The following RGS13 variants were observed in gnomAD, a reference collection of about 807,000 sequenced individuals.
RGS13 encodes regulator of G protein signaling 13.
In RGS13, 14 loss-of-function variants were observed where a neutral mutation model predicts 19.9. The ratio of observed to expected loss-of-function variants is 0.70; its 90% CI spans 0.46 to 1.10. The LOEUF (loss-of-function observed/expected upper bound fraction) is 1.10, where lower values mean the gene tolerates loss of function less well. RGS13 is among the 50% of genes least tolerant of loss of function. The pLI is 0.00. For synonymous variants in RGS13, 60 were observed against 56.8 expected (o/e 1.06, Z -0.25); for missense variants, 205 against 187.1 (o/e 1.10, Z -0.56).
chr1:192,649,318 T>G (rs1240615787), intron 5 of RGS13, among the ~76,000 whole-genome samples: 1 of 152,160 alleles, frequency 6.6e-6, no homozygotes, highest in African/African-American at 2.4e-5. Flanking sequence ...CAGTTAACTA[T>G]ATTGTAAATT....
intron 3 of RGS13, among the ~76,000 whole-genome samples, chr1:192,642,315 A>G (rs986842636): frequency 3.5e-5 from 5 of 143,600 alleles, no homozygotes; most frequent in Non-Finnish European, 6.1e-5. Flanking sequence ...CATGTGGAAC[A>G]TAATTCCTTT....
intron 5 of RGS13, among the ~76,000 whole-genome samples, chr1:192,650,894 G>C (rs1035538167): frequency 6.6e-6 from 1 of 151,810 alleles, no homozygotes; most frequent in Non-Finnish European, 1.5e-5. Flanking sequence ...TAACCAAATA[G>C]AACTAAAGTA....
intron 5 of RGS13, among the ~76,000 whole-genome samples, chr1:192,648,536 G>A (rs528735721): frequency 4.6e-5 from 7 of 152,220 alleles, no homozygotes; most frequent in South Asian, 2.1e-4. Context: ...AAAGGAGGAC[G>A]TGCATTCAAA....
In RGS13 at chr1:192,642,983, C is replaced by T. The variant is rs146071310; in HGVS notation, c.-4-1348C>T. On this transcript the variant is annotated intron_variant, in intron 3 of 6. Transcript: ENST00000391995. Reference sequence around the variant, plus strand: ...CAAGTGATTGTCCCACTACAGCATCCCAAGTAGTTGGGACTACAGGCATGA... The same window carrying T: ...CAAGTGATTGTCCCACTACAGCATCTCAAGTAGTTGGGACTACAGGCATGA... Among the ~76,000 whole-genome samples, 459 of 152,268 alleles carry T rather than the reference C, an allele frequency of 3.0e-3. 3 individuals are homozygous for T. Among genetic ancestry groups the T allele is most frequent in the African/African-American group, 0.011 (440 of 41,552 alleles).
chr1:192,641,155 GGAAA>G (rs755503546), intron 3 of RGS13, among the ~76,000 whole-genome samples: 24 of 129,244 alleles, frequency 1.9e-4, no homozygotes, highest in Non-Finnish European at 3.0e-4. Flanking sequence ...GAAAGAAAGA[GGAAA>G]GAAAGAGAGA....
rs891393029 is a variant in RGS13 at position 192,654,630 on chromosome 1, C to T, written c.128-3571C>T. 2.6e-5 allele frequency among the ~76,000 whole-genome samples: 4 copies of T among 151,978 alleles called. No individual in the cohort carries two copies. In the South Asian group the frequency reaches 6.2e-4, roughly 24 times the overall value. On this transcript the variant is annotated intron_variant, in intron 5 of 6. Coordinates refer to ENST00000391995, the MANE Select transcript of RGS13 (RefSeq NM_002927.5). ...AGAGGCATTTCTAATGGTACTGCAA[C>T]GTAGTGCACCCTTGGGATTTCCTGC... is the stretch of plus-strand genomic sequence containing the variant.
In RGS13 at chr1:192,658,218, G is replaced by A. The variant is rs780805183; in HGVS notation, c.145G>A (p.Ala49Thr). The change falls in exon 6 of 7, where the codon GCA becomes ACA. Residue 49 changes from alanine (A) to threonine (T), a missense_variant. Physicochemically the swap from Ala to Thr is moderately conservative, Grantham distance 58. Transcript: ENST00000391995. ...ACTTTTAGATGGTCCAGTAGTCTATGCAGCATATTTAAAAATGGAGCACAG... is the reference window on the plus strand; with the variant it reads ...ACTTTTAGATGGTCCAGTAGTCTATACAGCATATTTAAAAATGGAGCACAG... ...MATKYGPVVYAAYLKMEHSDE... is the reference protein window; with the variant it reads ...MATKYGPVVYTAYLKMEHSDE... The A allele has an allele frequency of 6.2e-7, 1 of 1,612,894 alleles. No individual in the cohort carries two copies.
At chr1:192,640,305 A>G (rs1663083323) in intron 3 of RGS13, among the ~76,000 whole-genome samples, 1 of 152,176 alleles carries the variant, frequency 6.6e-6, no homozygotes, top group Admixed American at 6.5e-5. Flanking sequence ...TCAAGGTCCA[A>G]TTACACACAG....
rs1249117264 is a variant in RGS13, at chr1:192,647,976, T to C, written c.116T>C (p.Met39Thr). The C allele has an allele frequency of 2.5e-6, 4 of 1,598,260 alleles. No individual in the cohort carries two copies. The highest frequency in any genetic ancestry group is 1.1e-5 in the South Asian group (1 of 89,188). The change falls in exon 5 of 7, where the codon ATG (methionine) becomes ACG (threonine). Residue 39 changes from methionine (M) to threonine (T), a missense_variant. By Grantham distance (81) the Met-to-Thr change is moderately conservative. Coordinates refer to ENST00000391995, the MANE Select transcript of RGS13 (RefSeq NM_002927.5). Reference sequence around the variant, plus strand: ...TGGGCCCAGTCTTTTGAAAATTTAATGGCTACAAAATGTGAGTATTGCGTA... The same window carrying C: ...TGGGCCCAGTCTTTTGAAAATTTAACGGCTACAAAATGTGAGTATTGCGTA... The part of the protein sequence containing the change: ...LQWAQSFENL[M>T]ATKYGPVVYA...
intron 4 of RGS13, chr1:192,645,111 A>C (rs1663192499): frequency 6.6e-6 from 1 of 152,402 alleles, no homozygotes; most frequent in African/African-American, 2.4e-5. Flanking sequence ...AGGATGCTGC[A>C]ATGGTGGTCA....
chr1:192,653,899 C>A (rs937317804), intron 5 of RGS13, among the ~76,000 whole-genome samples: 3 of 150,532 alleles, frequency 2.0e-5, no homozygotes, highest in Non-Finnish European at 4.4e-5. Flanking sequence ...CAGAATTGAA[C>A]AACGAGAACA....
chr1:192,641,111 AAG>A (rs997177957), intron 3 of RGS13, among the ~76,000 whole-genome samples: 1 of 151,690 alleles, frequency 6.6e-6, no homozygotes, highest in Non-Finnish European at 1.5e-5. Flanking sequence ...AAGAGAGAGA[AAG>A]AGAGAAAGAA....
At chr1:192,647,722 T>G in intron 4 of RGS13, 1 of 249,344 alleles carries the variant, frequency 4.0e-6, no homozygotes. Context: ...CTACACTATT[T>G]GCACAATTTT....
intron 6 of RGS13, 84 bp downstream of exon 6, chr1:192,658,451 G>A (rs993229364): frequency 7.1e-6 from 9 of 1,269,170 alleles, no homozygotes; most frequent in Non-Finnish European, 9.9e-6. Context: ...TAAGTGCCAG[G>A]CACTTTACAT....
intron 5 of RGS13, among the ~76,000 whole-genome samples, chr1:192,656,490 TTA>T (rs969774045): frequency 2.0e-5 from 3 of 152,078 alleles, no homozygotes; most frequent in African/African-American, 7.2e-5. Context: ...AAGACACAAC[TTA>T]GAGTCACGTC....
chr1:192,654,324 A>G (rs1663398057), intron 5 of RGS13, among the ~76,000 whole-genome samples: 1 of 151,826 alleles, frequency 6.6e-6, no homozygotes, highest in Non-Finnish European at 1.5e-5. Flanking sequence ...TAAATAACAA[A>G]TATTAAATAG....
rs182964837 is a variant in RGS13, at chr1:192,657,594, C to T, written c.128-607C>T. On this transcript the variant is annotated intron_variant, in intron 5 of 6. Coordinates refer to ENST00000391995, the MANE Select transcript of RGS13 (RefSeq NM_002927.5). ...GATTCTGAGATAGTTTCCAGCATCG[C>T]GTCTGATTTTTCATTCCTTGTCTGG... Among the ~76,000 whole-genome samples, 562 of 152,170 alleles carry T rather than the reference C, an allele frequency of 3.7e-3. 3 individuals carry two copies. Among genetic ancestry groups the T allele is most frequent in the African/African-American group, 0.013 (548 of 41,544 alleles).
chr1:192,658,318 G>T lies in RGS13; in HGVS notation c.245G>T (p.Arg82Met), dbSNP rs377283074. Residue 82 changes from arginine (R) to methionine (M), a missense_variant, in exon 6 of 7, where the codon AGG (arginine) becomes ATG (methionine). Physicochemically the swap from Arg to Met is moderately conservative, Grantham distance 91. Transcript: ENST00000391995. ...KIASRWSRIS[R>M]AKKLYKIYIQ... ...GCCTCACGGTGGAGCAGAATTTCTA[G>T]GGCAAAGAAGCTTTATAAGATTTAC... 1 of 1,613,476 alleles carries T rather than the reference G, an allele frequency of 6.2e-7. No homozygotes were observed. The highest frequency in any genetic ancestry group is 1.3e-5 in the African/African-American group (1 of 74,974).
intron 5 of RGS13, among the ~76,000 whole-genome samples, chr1:192,656,432 C>T (rs566030401): frequency 9.9e-5 from 15 of 151,752 alleles, no homozygotes; most frequent in Middle Eastern, 3.4e-3. Flanking sequence ...AGTACCAATT[C>T]CTGCATCTGT....
Sources: gnomAD v4.1 joint callset for allele counts (sites outside exome capture counted in the v4.1 genomes callset) on GRCh38, gnomAD v4.1.1 for gene constraint, MANE v1.5 for transcripts, NCBI Gene and HGNC (gene_info 2026-07-23, HGNC 2026-07-21) for gene names.